PELP1: variants seen among roughly 807,000 people sequenced by gnomAD.
PELP1 encodes the protein proline-, glutamic acid- and leucine-rich protein 1.
In PELP1, 32 loss-of-function variants were observed where a neutral mutation model predicts 95.5. That is an observed-to-expected ratio of 0.34 (90% CI 0.25 to 0.45). PELP1 has a LOEUF of 0.45. PELP1 is among the 20% of genes least tolerant of loss of function. The probability of loss-of-function intolerance (pLI) is 1.00; values close to 1 mark genes in which losing one functional copy is unlikely to be tolerated. For synonymous variants in PELP1, 668 were observed against 600.1 expected (o/e 1.11, Z -1.65); for missense variants, 1,358 against 1,444.8 (o/e 0.94, Z 0.97).
Position 4,674,549 on chromosome 17 carries a change from T to C in PELP1, c.1543A>G (p.Ser515Gly), listed in dbSNP as rs1266844198. The change falls in exon 13 of 17, where the codon AGC (serine) becomes GGC (glycine). Residue 515 changes from serine to glycine, a missense_variant. By Grantham distance (56) the Ser-to-Gly change is moderately conservative. Around this residue, in one of 7 missense-constraint regions of PELP1, gnomAD observed 538 missense variants for 628.1 expected, o/e 0.86. Coordinates refer to ENST00000572293, the MANE Select transcript of PELP1 (RefSeq NM_014389.3). ...GCACACACGTCGCTGTTGGCATTGC[T>C]ATCCCCTTTCCGGTGGCTTGGCGGG... Reference protein sequence around the residue: ...MAPPSHRKGDSNANSDVCAAA... With the variant: ...MAPPSHRKGDGNANSDVCAAA... The C allele has an allele frequency of 6.2e-7, 1 of 1,613,256 alleles. No individual in the cohort carries two copies. The highest frequency in any genetic ancestry group is 1.7e-5 in the Admixed American group (1 of 59,772).
intron 1 of PELP1, among the ~76,000 whole-genome samples, chr17:4,701,762 G>A (rs181266100): frequency 1.4e-4 from 21 of 152,282 alleles, no homozygotes; most frequent in Middle Eastern, 3.4e-3. Flanking sequence ...ACCTAGAGAC[G>A]AGGAACAGTA....
chr17:4,701,333 G>A (rs1913526203), intron 1 of PELP1, among the ~76,000 whole-genome samples: 1 of 149,462 alleles, frequency 6.7e-6, no homozygotes, highest in African/African-American at 2.5e-5. Context: ...TTGGGGGGGT[G>A]GGGGCACTGC....
At position 4,673,640 on chromosome 17, in the gene PELP1, G is replaced by A; in HGVS notation, c.1617C>T (p.Leu539=). The part of the protein sequence containing the change: ...LSRTILMCGP[L]IKEETHRRLH... Reference sequence around the variant, plus strand: ...TAACCCTGTGAGTCTCCTCCTTGATGAGAGGCCCACACATGAGGATGGTCC... The same window carrying A: ...TAACCCTGTGAGTCTCCTCCTTGATAAGAGGCCCACACATGAGGATGGTCC... The change falls in exon 14 of 17, where the codon CTC becomes CTT. Residue 539 remains leucine (L), a synonymous_variant. Transcript: ENST00000572293. This position sits in a 1 kb window ranked among gnomAD's most constrained non-coding sequence, Gnocchi z 5.7. 1 of 1,613,782 alleles carries A rather than the reference G, an allele frequency of 6.2e-7. No homozygotes were observed. Among genetic ancestry groups the A allele is most frequent in the East Asian group, 2.2e-5 (1 of 44,882 alleles).
At chr17:4,689,919 A>G (rs1033641705) in intron 3 of PELP1, among the ~76,000 whole-genome samples, 4 of 152,150 alleles carry the variant, frequency 2.6e-5, no homozygotes, top group African/African-American at 9.7e-5. Flanking sequence ...CCAGCTACTC[A>G]GGAGGCTGAG....
intron 1 of PELP1, among the ~76,000 whole-genome samples, chr17:4,700,232 G>A (rs1403567257): frequency 6.6e-6 from 1 of 152,122 alleles, no homozygotes; most frequent in Admixed American, 6.5e-5. Flanking sequence ...CCTGTATGCT[G>A]ATGAAAATGA....
At position 4,673,552 on chromosome 17, in the gene PELP1, A is replaced by C. The variant is rs1183501218; in HGVS notation, c.1638+67T>G. 2 of 1,577,014 alleles carry C rather than the reference A, an allele frequency of 1.3e-6. No individual in the cohort carries two copies. Among genetic ancestry groups the C allele is most frequent in the East Asian group, 4.5e-5 (2 of 44,704 alleles). ...GTCGGAATGGACCCACCTCTGGGCC[A>C]CACCCCCCAATGTGTACAGAGCAGG... On this transcript the variant is annotated intron_variant, in intron 14 of 16. Coordinates refer to ENST00000572293, the MANE Select transcript of PELP1 (RefSeq NM_014389.3). This position sits in a 1 kb window ranked among gnomAD's most constrained non-coding sequence, Gnocchi z 5.7.
Position 4,671,511 on chromosome 17 carries a change from G to T in PELP1, c.3321C>A (p.Ala1107=), listed in dbSNP as rs909173545. The T allele has an allele frequency of 8.7e-6, 14 of 1,613,758 alleles. No individual in the cohort carries two copies. Among genetic ancestry groups the T allele is most frequent in the Non-Finnish European group, 1.1e-5 (13 of 1,179,690 alleles). The part of the protein sequence containing the change: ...LQEKEQDDTA[A]MLADFIDCPP... ...GACAATCGATGAAGTCGGCCAGCATGGCAGCTGTGTCATCCTGCTCCTTTT... is the reference window on the plus strand; with the variant it reads ...GACAATCGATGAAGTCGGCCAGCATTGCAGCTGTGTCATCCTGCTCCTTTT... Residue 1107 remains alanine, a synonymous_variant, in exon 17 of 17, where the codon GCC becomes GCA. Coordinates refer to ENST00000572293, the MANE Select transcript of PELP1 (RefSeq NM_014389.3).
Position 4,672,522 on chromosome 17 carries a change from C to T in PELP1, c.2469G>A (p.Val823=), listed in dbSNP as rs774817354. ...GTTCTTCAGGCTCCTCCTTCGCTGG[C>T]ACAGGAGGGGAGGCTGTTGGTGGCC... The part of the protein sequence containing the change: ...PTGPPTASPP[V]PAKEEPEELP... The change falls in exon 16 of 17, where the codon GTG becomes GTA. Residue 823 remains valine, a synonymous_variant. Transcript: ENST00000572293. The T allele has an allele frequency of 6.3e-7, 1 of 1,575,950 alleles. No individual in the cohort carries two copies. Among genetic ancestry groups the T allele is most frequent in the Non-Finnish European group, 8.6e-7 (1 of 1,167,792 alleles).
chr17:4,672,909 A>AGGGCCTGCTGAGGGCATG lies in PELP1; in HGVS notation c.2064_2081dup (p.Met689_Pro694dup), dbSNP rs778556653. 16 of 1,600,116 alleles carry AGGGCCTGCTGAGGGCATG rather than the reference A, an allele frequency of 1.0e-5. No homozygotes were observed. In the African/African-American group the frequency reaches 1.2e-4, roughly 12 times the overall value. ...GAGGTCCAGGGCGTGCCGAGGGCAC[A>AGGGCCTGCTGAGGGCATG]GGGCCTGCTGAGGGCATGGGGCCTG... On this transcript the variant is annotated inframe_insertion, in exon 16 of 17. Coordinates refer to ENST00000572293, the MANE Select transcript of PELP1 (RefSeq NM_014389.3).
intron 1 of PELP1, among the ~76,000 whole-genome samples, chr17:4,697,176 T>C (rs1913329994): frequency 6.6e-6 from 1 of 152,048 alleles, no homozygotes. Flanking sequence ...GGGATCAGTC[T>C]TTACTGGAAA....
rs773295937 is a variant in PELP1, at chr17:4,672,900, C to G, written c.2091G>C (p.Ser697=). 1.3e-5 allele frequency: 21 copies of G among 1,609,634 alleles called. No homozygotes were observed. The highest frequency in any genetic ancestry group is 1.8e-5 in the Non-Finnish European group (21 of 1,176,560). Residue 697 remains serine, a synonymous_variant, in exon 16 of 17, where the codon TCG becomes TCC. Coordinates refer to ENST00000572293, the MANE Select transcript of PELP1 (RefSeq NM_014389.3). ...CTGTGGTGGGAGGTCCAGGGCGTGC[C>G]GAGGGCACAGGGCCTGCTGAGGGCA... is the stretch of plus-strand genomic sequence containing the variant. ...GPMPSAGPVP[S]ARPGPPTTAN...
Position 4,682,475 on chromosome 17 carries a change from T to C in PELP1, c.642+27A>G, listed in dbSNP as rs773402229. 4 of 1,457,734 alleles carry C rather than the reference T, an allele frequency of 2.7e-6. No individual in the cohort carries two copies. In the Admixed American group the frequency reaches 5.0e-5, roughly 18 times the overall value. The allele number at this position is 1,457,734 out of a possible 1,614,324, so 90.3% of individuals were successfully genotyped here. On this transcript the variant is annotated intron_variant, in intron 5 of 16. Transcript: ENST00000572293. ...TAAGAGCTCTCAACGCTTACACTGG[T>C]GGGGAGAAGAGTGCATAAATACTTA...
At position 4,675,853 on chromosome 17, in the gene PELP1, C is replaced by A; in HGVS notation, c.1012G>T (p.Val338Leu). 6.3e-7 allele frequency: 1 copy of A among 1,591,874 alleles called. No individual in the cohort carries two copies. The highest frequency in any genetic ancestry group is 8.6e-7 in the Non-Finnish European group (1 of 1,169,222). Reference protein sequence around the residue: ...SEFGAPVSVPVQEILDFICRT... With the variant: ...SEFGAPVSVPLQEILDFICRT... ...CAGATGAAATCCAGGATTTCCTGCA[C>A]AGGGACGGACACGGGAGCTCCAAAC... is the stretch of plus-strand genomic sequence containing the variant. Residue 338 changes from valine to leucine, a missense_variant, in exon 9 of 17, where the codon GTG (valine) becomes TTG (leucine). Val to Leu is a conservative substitution (Grantham distance 32, BLOSUM62 1). This residue lies in a region of PELP1 where 538 missense variants were observed against 628.1 expected (regional missense o/e 0.86). Transcript: ENST00000572293. The surrounding 1 kb of genome is among the most constrained non-coding windows in gnomAD (Gnocchi z 4.3).
At chr17:4,694,698 C>A (rs1286661537) in intron 1 of PELP1, among the ~76,000 whole-genome samples, 1 of 150,146 alleles carries the variant, frequency 6.7e-6, no homozygotes, top group African/African-American at 2.5e-5. Flanking sequence ...ATGGGCCGGG[C>A]GCGGTGGCTT....
chr17:4,703,802 G>C, intron 1 of PELP1, 61 bp downstream of exon 1: 1 of 1,460,436 alleles, frequency 6.8e-7, no homozygotes, highest in Non-Finnish European at 9.3e-7. Context: ...CCGTAATCCC[G>C]GCGCACAGGT....
rs1389812846 is a variant in PELP1 at position 4,673,959 on chromosome 17, A to G, written c.1583-285T>C. The G allele has an allele frequency of 2.3e-5, 10 of 426,602 alleles. No individual in the cohort carries two copies. Among genetic ancestry groups the G allele is most frequent in the African/African-American group, 1.8e-4 (9 of 50,130 alleles). The allele number at this position is 426,602 out of a possible 1,614,324, so 26.4% of individuals were successfully genotyped here. On this transcript the variant is annotated intron_variant, in intron 13 of 16. Coordinates refer to ENST00000572293, the MANE Select transcript of PELP1 (RefSeq NM_014389.3). This position sits in a 1 kb window ranked among gnomAD's most constrained non-coding sequence, Gnocchi z 5.7. ...TCCCCTTCCCATGGGATGGGGTGGC[A>G]GGCAGTGAAATATATGGGACCCAGA...
intron 1 of PELP1, among the ~76,000 whole-genome samples, chr17:4,701,324 T>TG (rs112069128): frequency 0.3 from 38,336 of 129,098 alleles, 5,225 homozygotes; most frequent in Middle Eastern, 0.44. Flanking sequence ...GGATGAGAGT[T>TG]GGGGGGGTGG....
chr17:4,679,587 C>T (rs1357623075), intron 5 of PELP1, among the ~76,000 whole-genome samples: 3 of 152,204 alleles, frequency 2.0e-5, no homozygotes, highest in Admixed American at 2.0e-4. Context: ...TACACTTTTG[C>T]AGTAAAACCA....
intron 1 of PELP1, 28 bp downstream of exon 1, chr17:4,703,835 G>C: frequency 6.3e-7 from 1 of 1,586,766 alleles, no homozygotes; most frequent in South Asian, 1.1e-5. Flanking sequence ...TCCCCACAGG[G>C]CCGCGGGCAC....
Sources: gnomAD v4.1 joint callset for allele counts (sites outside exome capture counted in the v4.1 genomes callset) on GRCh38, gnomAD v4.1.1 for gene constraint, gnomAD v4.1.1 regional missense constraint, Gnocchi (gnomAD v3.1) non-coding constraint, MANE v1.5 for transcripts, NCBI Gene and HGNC (gene_info 2026-07-23, HGNC 2026-07-21) for gene names.